MACROD2: variants seen among roughly 807,000 people sequenced by gnomAD.
The protein encoded by MACROD2 is mono-ADP ribosylhydrolase 2.
In MACROD2, 36 loss-of-function variants were observed where a neutral mutation model predicts 70.4. The observed-to-expected ratio is 0.51, with a 90% CI of 0.39 to 0.68. The LOEUF (loss-of-function observed/expected upper bound fraction) is 0.68, where lower values mean the gene tolerates loss of function less well. MACROD2 is among the 30% of genes least tolerant of loss of function. The pLI is 0.00. For missense variants in MACROD2, 496 were observed against 538.4 expected (o/e 0.92, Z 0.78); for synonymous variants, 172 against 178.8 (o/e 0.96, Z 0.30).
chr20:14,564,407 G>C (rs1255077273), intron 4 of MACROD2, among the ~76,000 whole-genome samples: 1 of 151,834 alleles, frequency 6.6e-6, no homozygotes, highest in Non-Finnish European at 1.5e-5. Context: ...AGAGTAAAAA[G>C]ACAACATATA....
chr20:15,886,903 T>C (rs1339585718), intron 10 of MACROD2, among the ~76,000 whole-genome samples: 5 of 152,152 alleles, frequency 3.3e-5, no homozygotes, highest in Non-Finnish European at 7.4e-5. Context: ...CAGTAAATTA[T>C]TGCTTTTTTC....
At chr20:14,571,639 T>C (rs936939837) in intron 4 of MACROD2, among the ~76,000 whole-genome samples, 1 of 152,112 alleles carries the variant, frequency 6.6e-6, no homozygotes, top group Admixed American at 6.6e-5. Flanking sequence ...AGGAGGGTCT[T>C]AAGCATTTTT....
intron 5 of MACROD2, among the ~76,000 whole-genome samples, chr20:15,185,797 A>G (rs1035879392): frequency 2.0e-5 from 3 of 152,180 alleles, no homozygotes; most frequent in African/African-American, 7.2e-5. Context: ...TTGTTTGCTA[A>G]ATAAGTCTTA....
intron 6 of MACROD2, among the ~76,000 whole-genome samples, chr20:15,250,303 C>T (rs1442378549): frequency 3.3e-5 from 5 of 152,162 alleles, no homozygotes; most frequent in Admixed American, 1.3e-4. Context: ...GCCTTTTGTA[C>T]ACAGCTTTTA....
intron 4 of MACROD2, among the ~76,000 whole-genome samples, chr20:14,629,996 T>C (rs992099249): frequency 4.0e-5 from 6 of 151,228 alleles, no homozygotes; most frequent in South Asian, 2.1e-4. Context: ...TCTATCTATC[T>C]ATCCATCCCC....
chr20:15,889,539 G>A (rs2064863036), intron 10 of MACROD2, among the ~76,000 whole-genome samples: 1 of 152,102 alleles, frequency 6.6e-6, no homozygotes, highest in Non-Finnish European at 1.5e-5. Context: ...CATTTCAGAT[G>A]GTATCAGACA....
intron 8 of MACROD2, among the ~76,000 whole-genome samples, chr20:15,677,330 G>T (rs1201350496): frequency 6.6e-6 from 1 of 152,126 alleles, no homozygotes; most frequent in African/African-American, 2.4e-5. Context: ...AGACTGTCTG[G>T]CTCACAGAAA....
At position 15,900,232 on chromosome 20, in the gene MACROD2, G is replaced by A. The variant is rs1423982639; in HGVS notation, c.775+14421G>A. 2.0e-5 allele frequency among the ~76,000 whole-genome samples: 3 copies of A among 152,108 alleles called. No individual in the cohort carries two copies. In the East Asian group the frequency reaches 5.8e-4, roughly 29 times the overall value. ...CTCAAATGAGCTTAGTGATTGACCA[G>A]CTTTTAACAAAATAAGGATCCAGGA... On this transcript the variant is annotated intron_variant, in intron 10 of 17. Coordinates refer to ENST00000684519, the MANE Select transcript of MACROD2 (RefSeq NM_001351661.2).
At chr20:15,987,644 G>C (rs1200984561) in intron 15 of MACROD2, among the ~76,000 whole-genome samples, 1 of 151,986 alleles carries the variant, frequency 6.6e-6, no homozygotes, top group Non-Finnish European at 1.5e-5. Flanking sequence ...CAATCATATT[G>C]AATACTGTTT....
chr20:14,867,285 C>T (rs1427424436), intron 5 of MACROD2, among the ~76,000 whole-genome samples: 9 of 152,160 alleles, frequency 5.9e-5, no homozygotes, highest in African/African-American at 2.2e-4. Flanking sequence ...CATATGAGAA[C>T]ATACTTACTG....
intron 6 of MACROD2, among the ~76,000 whole-genome samples, chr20:15,352,939 A>G (rs1342594547): frequency 6.6e-6 from 1 of 151,872 alleles, no homozygotes; most frequent in South Asian, 2.1e-4. Flanking sequence ...AAGGTAATTT[A>G]TAGATTCAAT....
intron 3 of MACROD2, among the ~76,000 whole-genome samples, chr20:14,397,981 A>G (rs1299439863): frequency 6.6e-6 from 1 of 152,146 alleles, no homozygotes; most frequent in Admixed American, 6.5e-5. Flanking sequence ...GAGTAAGAAC[A>G]TGTGTTACCT....
chr20:15,855,252 A>T lies in MACROD2; in HGVS notation c.646-7493A>T, dbSNP rs145606189. Among the ~76,000 whole-genome samples the T allele has an allele frequency of 2.8e-4, 43 of 152,326 alleles. No homozygotes were observed. The East Asian group carries it at 7.1e-3, about 25-fold the overall frequency. On this transcript the variant is annotated intron_variant, in intron 8 of 17. Transcript: ENST00000684519. ...GTGTCACCCTCTTCAGGGCCAGTGG[A>T]TATGATGCTGGAAAAGATTAATGGA...
At chr20:14,876,313 G>A (rs1166381522) in intron 5 of MACROD2, among the ~76,000 whole-genome samples, 1 of 151,888 alleles carries the variant, frequency 6.6e-6, no homozygotes, top group Non-Finnish European at 1.5e-5. Context: ...CTTTTTAATA[G>A]GGTTGTTTTT....
chr20:14,309,238 A>G (rs1017433589), intron 3 of MACROD2, among the ~76,000 whole-genome samples: 1 of 152,200 alleles, frequency 6.6e-6, no homozygotes, highest in Non-Finnish European at 1.5e-5. Flanking sequence ...TCTTCAAGGA[A>G]AAAGTTTTTA....
intron 2 of MACROD2, among the ~76,000 whole-genome samples, chr20:14,049,255 T>TG (rs2053527991): frequency 2.7e-5 from 4 of 150,378 alleles, no homozygotes; most frequent in African/African-American, 9.8e-5. Context: ...GCAGCAAACT[T>TG]GGGGGAATTC....
chr20:16,044,786 A>G, intron 17 of MACROD2, 147 bp downstream of exon 17: 3 of 693,014 alleles, frequency 4.3e-6, no homozygotes, highest in Non-Finnish European at 7.5e-6. Context: ...CAAATAACAC[A>G]GCGTAAGGGG....
intron 5 of MACROD2, among the ~76,000 whole-genome samples, chr20:15,201,845 C>A (rs75766847): frequency 2.4e-3 from 367 of 152,258 alleles, no homozygotes; most frequent in African/African-American, 8.0e-3. Flanking sequence ...GATGTAAGCA[C>A]CTCCCTGGGG....
intron 12 of MACROD2, among the ~76,000 whole-genome samples, chr20:15,964,506 C>T (rs2066110372): frequency 2.0e-5 from 3 of 152,096 alleles, no homozygotes; most frequent in African/African-American, 7.2e-5. Context: ...CCTAAGGCCC[C>T]ACCCCCTAGT....
Sources: allele counts gnomAD v4.1 joint callset (sites outside exome capture counted in the v4.1 genomes callset), GRCh38; gene constraint gnomAD v4.1.1; transcripts MANE v1.5; gene names NCBI Gene and HGNC (gene_info 2026-07-23, HGNC 2026-07-21).